EPHA5: variants seen among roughly 807,000 people sequenced by gnomAD.
The protein encoded by EPHA5 is ephrin type-A receptor 5.
EPHA5 carries 60 observed loss-of-function variants against 105.0 expected under a neutral mutation model. The ratio of observed to expected loss-of-function variants is 0.57; its 90% CI spans 0.46 to 0.71. The LOEUF is 0.71. Ranked by LOEUF, EPHA5 falls within the 30% of genes least tolerant of loss-of-function variation. EPHA5 has a pLI of 0.00. For synonymous variants in EPHA5, 513 were observed against 449.1 expected (o/e 1.14, Z -1.80); for missense variants, 1,218 against 1,274.7 (o/e 0.96, Z 0.68).
At chr4:65,557,259 T>TATATATATATATATATATATATA (rs1560693532) in intron 3 of EPHA5, among the ~76,000 whole-genome samples, 47 of 142,312 alleles carry the variant, frequency 3.3e-4, no homozygotes, top group South Asian at 6.6e-4. Flanking sequence ...TATATATATA[T>TATATATATATATATATATATATA]TCTCACACTT....
intron 1 of EPHA5, among the ~76,000 whole-genome samples, chr4:65,647,367 G>C (rs770360490): frequency 6.0e-5 from 9 of 150,108 alleles, no homozygotes; most frequent in Non-Finnish European, 1.3e-4. Flanking sequence ...TTTAGACATA[G>C]GGTATATATA....
intron 2 of EPHA5, among the ~76,000 whole-genome samples, chr4:65,611,818 C>T (rs948629241): frequency 6.6e-6 from 1 of 151,644 alleles, no homozygotes; most frequent in African/African-American, 2.4e-5. Context: ...GGGCTGTTAG[C>T]TTTCTCAAAT....
chr4:65,566,209 A>C (rs191420597), intron 3 of EPHA5, among the ~76,000 whole-genome samples: 1 of 151,758 alleles, frequency 6.6e-6, no homozygotes, highest in South Asian at 2.1e-4. Flanking sequence ...AATTCCATTC[A>C]TGCAACAAAG....
chr4:65,650,198 TA>T (rs2149526517), intron 1 of EPHA5, among the ~76,000 whole-genome samples: 1 of 152,000 alleles, frequency 6.6e-6, no homozygotes, highest in African/African-American at 2.4e-5. Flanking sequence ...TATACAGAAG[TA>T]AAAATAAAAA....
chr4:65,351,499 C>A lies in EPHA5; in HGVS notation c.2335G>T (p.Asp779Tyr). 1 of 1,613,794 alleles carries A rather than the reference C, an allele frequency of 6.2e-7. No individual in the cohort carries two copies. Among genetic ancestry groups the A allele is most frequent in the Non-Finnish European group, 8.5e-7 (1 of 1,179,830 alleles). Residue 779 changes from aspartate (D) to tyrosine (Y), a missense_variant, in exon 13 of 17, where the codon GAT becomes TAT. Coordinates refer to ENST00000613740, the MANE Select transcript of EPHA5 (RefSeq NM_001281766.3). ...ATTAAGATGTTTCTGGCAGCAAGAT[C>A]TCTATGCACATAGCCCATGTCAGAA... The part of the protein sequence containing the change: ...YLSDMGYVHR[D>Y]LAARNILINS...
At chr4:65,576,166 TAAAG>T (rs1027686844) in intron 3 of EPHA5, among the ~76,000 whole-genome samples, 3 of 124,812 alleles carry the variant, frequency 2.4e-5, no homozygotes, top group South Asian at 5.4e-4. Context: ...AGAGAGAAAG[TAAAG>T]GAAGGAAGGA....
chr4:65,599,759 A>G (rs958591415), intron 3 of EPHA5, among the ~76,000 whole-genome samples: 1 of 152,218 alleles, frequency 6.6e-6, no homozygotes, highest in African/African-American at 2.4e-5. Flanking sequence ...ATGTCCATCA[A>G]TTAAGGTTCT....
At chr4:65,375,510 T>C (rs1718908573) in intron 8 of EPHA5, among the ~76,000 whole-genome samples, 1 of 151,936 alleles carries the variant, frequency 6.6e-6, no homozygotes, top group Non-Finnish European at 1.5e-5. Flanking sequence ...AAAAAGATAC[T>C]ATCTTTTTAA....
chr4:65,407,940 G>C (rs892532290), intron 7 of EPHA5, among the ~76,000 whole-genome samples: 1 of 146,556 alleles, frequency 6.8e-6, no homozygotes, highest in Non-Finnish European at 1.5e-5. Context: ...ATTTTTTTTT[G>C]TTTTTATTGT....
chr4:65,588,158 A>T (rs1020325695), intron 3 of EPHA5, among the ~76,000 whole-genome samples: 2 of 152,136 alleles, frequency 1.3e-5, no homozygotes, highest in African/African-American at 4.8e-5. Flanking sequence ...TGTCAAGCTT[A>T]AAAGAGTGAA....
chr4:65,581,618 T>A (rs1399132382), intron 3 of EPHA5, among the ~76,000 whole-genome samples: 2 of 151,776 alleles, frequency 1.3e-5, no homozygotes, highest in Admixed American at 1.3e-4. Flanking sequence ...TAATGAATCT[T>A]AAAATATACC....
intron 15 of EPHA5, among the ~76,000 whole-genome samples, chr4:65,333,542 T>A (rs967827668): frequency 9.3e-4 from 1 of 1,080 alleles, no homozygotes; most frequent in African/African-American, 1.2e-3. Flanking sequence ...TGTGTGTCTG[T>A]GTGTGTGTGT....
chr4:65,488,079 G>C (rs1246691425), intron 5 of EPHA5, among the ~76,000 whole-genome samples: 1 of 152,118 alleles, frequency 6.6e-6, no homozygotes, highest in Non-Finnish European at 1.5e-5. Context: ...AAAATTGTCT[G>C]CTGTGAATAT....
intron 2 of EPHA5, among the ~76,000 whole-genome samples, chr4:65,610,014 C>T (rs1744615017): frequency 6.6e-6 from 1 of 151,772 alleles, no homozygotes; most frequent in South Asian, 2.1e-4. Context: ...TAAAATAAGG[C>T]ATTCAAAAAG....
chr4:65,414,001 G>C (rs1015269372), intron 7 of EPHA5, among the ~76,000 whole-genome samples: 18 of 152,188 alleles, frequency 1.2e-4, no homozygotes, highest in Non-Finnish European at 2.2e-4. Flanking sequence ...AAGTATGGCA[G>C]CAGTAGAAAG....
chr4:65,331,544 T>C (rs1720617349), intron 16 of EPHA5: 3 of 1,055,750 alleles, frequency 2.8e-6, no homozygotes, highest in Non-Finnish European at 3.4e-6. Flanking sequence ...GTTACCTTGA[T>C]ATTCATCGTA....
intron 5 of EPHA5, among the ~76,000 whole-genome samples, chr4:65,484,784 A>G (rs1378250162): frequency 6.6e-6 from 1 of 152,120 alleles, no homozygotes; most frequent in Non-Finnish European, 1.5e-5. Context: ...AACAAAGTAT[A>G]TATTTATAGA....
chr4:65,670,363 A>G lies in EPHA5; in HGVS notation c.-621T>C, dbSNP rs1413682803. The G allele has an allele frequency of 8.6e-6, 2 of 233,644 alleles. No individual in the cohort carries two copies. The highest frequency in any genetic ancestry group is 6.0e-5 in the East Asian group (1 of 16,594). 14.5% of individuals were successfully genotyped at this position (233,644 alleles called of 1,614,324 possible). On this transcript the variant is annotated 5_prime_UTR_variant, in exon 1 of 17. Transcript: ENST00000613740. ...GAGGGACTGACGGCTGCCGGCCGGT[A>G]GGAGCGCGGAGCTGCGCTGCGGCGG... is the stretch of plus-strand genomic sequence containing the variant.
In EPHA5 at chr4:65,365,151, T is replaced by TCAAAAC; in HGVS notation, c.2038_2039insGTTTTG (p.Arg679_Glu680insGlyPhe). On this transcript the variant is annotated inframe_insertion, in exon 11 of 17. Transcript: ENST00000613740. ...AAGGGTTTTGATAGCCACAGGTAAT[T>TCAAAAC]CTCTTTTTCCTGGTAGTTTCAAACG... 5 of 1,611,544 alleles carry TCAAAAC rather than the reference T, an allele frequency of 3.1e-6. No homozygotes were observed. Among genetic ancestry groups the TCAAAAC allele is most frequent in the Non-Finnish European group, 4.2e-6 (5 of 1,178,320 alleles).
Sources: gnomAD v4.1 joint callset for allele counts (sites outside exome capture counted in the v4.1 genomes callset) on GRCh38, gnomAD v4.1.1 for gene constraint, MANE v1.5 for transcripts, NCBI Gene and HGNC (gene_info 2026-07-23, HGNC 2026-07-21) for gene names.